SYTL2: variants seen among roughly 807,000 people sequenced by gnomAD.
SYTL2 encodes synaptotagmin like 2, also known as synaptotagmin-like protein 2.
A neutral mutation model predicts 198.7 loss-of-function variants in SYTL2; 165 were observed. The ratio of observed to expected loss-of-function variants is 0.83; its 90% CI spans 0.73 to 0.94. SYTL2 has a LOEUF of 0.94. Among genes scored for constraint, SYTL2 ranks in the 40% least tolerant of loss-of-function variants. The pLI is 0.00. For synonymous variants in SYTL2, 966 were observed against 917.7 expected (o/e 1.05, Z -0.95); for missense variants, 2,835 against 2,582.8 (o/e 1.10, Z -2.12).
At chr11:85,820,477 T>C in the SYTL2 span, among the ~76,000 whole-genome samples, 1 of 152,126 alleles carries the variant, frequency 6.6e-6, no homozygotes, top group African/African-American at 2.4e-5. Flanking sequence ...TTCCACCCCA[T>C]AGAAGCAGCA....
chr11:85,780,716 A>C (rs2092545294), intron 1 of SYTL2, among the ~76,000 whole-genome samples: 1 of 152,234 alleles, frequency 6.6e-6, no homozygotes, highest in Non-Finnish European at 1.5e-5. Context: ...AAATACAAGT[A>C]AAGTTTTTCT....
chr11:85,810,153 T>C (rs1316001863), intron 1 of SYTL2, among the ~76,000 whole-genome samples: 2 of 152,180 alleles, frequency 1.3e-5, no homozygotes, highest in Non-Finnish European at 2.9e-5. Context: ...GGGTGATTCA[T>C]AGCCTGTTCT....
intron 1 of SYTL2, among the ~76,000 whole-genome samples, chr11:85,776,609 A>G (rs534580124): frequency 4.0e-4 from 61 of 152,328 alleles, no homozygotes; most frequent in Non-Finnish European, 6.5e-4. Flanking sequence ...CATAGTATCC[A>G]TGCTGTATAT....
In SYTL2 at chr11:85,757,909, C is replaced by A. The variant is rs181979455; in HGVS notation, c.-184G>T. 78 of 711,230 alleles carry A rather than the reference C, an allele frequency of 1.1e-4. No homozygotes were observed. In the African/African-American group the frequency reaches 1.4e-3, roughly 12 times the overall value. The allele number at this position is 711,230 out of a possible 1,614,324, so 44.1% of individuals were successfully genotyped here. ...GCAGCTGATAGCAAGATCCTAAGTG[C>A]TCTTTCCCATGAGGAAGTCCTGGTC... On this transcript the variant is annotated 5_prime_UTR_variant, in exon 2 of 20. Transcript: ENST00000359152.
At chr11:85,843,951 C>T in the SYTL2 span, among the ~76,000 whole-genome samples, 1 of 152,188 alleles carries the variant, frequency 6.6e-6, no homozygotes, top group Non-Finnish European at 1.5e-5. Flanking sequence ...TAAGCATCAA[C>T]AAAGTGTGGT....
chr11:85,794,535 G>T (rs2092775657), intron 1 of SYTL2, among the ~76,000 whole-genome samples: 1 of 152,050 alleles, frequency 6.6e-6, no homozygotes, highest in African/African-American at 2.4e-5. Flanking sequence ...CTTTCTCAAG[G>T]TCACAAAAGA....
intron 4 of SYTL2, among the ~76,000 whole-genome samples, chr11:85,740,404 G>A (rs1312274860): frequency 6.6e-6 from 1 of 152,128 alleles, no homozygotes; most frequent in Non-Finnish European, 1.5e-5. Context: ...CTGGCTAGGA[G>A]TATGTCTCTC....
At chr11:85,740,000 G>T (rs2090662235) in intron 4 of SYTL2, among the ~76,000 whole-genome samples, 1 of 152,032 alleles carries the variant, frequency 6.6e-6, no homozygotes, top group African/African-American at 2.4e-5. Flanking sequence ...CTCACATTTG[G>T]CTTCCTGACT....
At chr11:85,819,956 C>G in the SYTL2 span, among the ~76,000 whole-genome samples, 2 of 152,252 alleles carry the variant, frequency 1.3e-5, no homozygotes, top group African/African-American at 4.8e-5. Context: ...TCCAGCATCA[C>G]TGTCTCTGCA....
intron 1 of SYTL2, among the ~76,000 whole-genome samples, chr11:85,803,014 C>T (rs1415531887): frequency 1.3e-5 from 2 of 152,220 alleles, no homozygotes; most frequent in Non-Finnish European, 2.9e-5. Context: ...CCTCTCCCAT[C>T]ACCTTGTTGG....
At position 85,791,343 on chromosome 11, in the gene SYTL2, A is replaced by G. The variant is rs1257283623; in HGVS notation, c.-390+19611T>C. Reference sequence around the variant, plus strand: ...TCAGCTTTGCTGGGTACAGCACCTTAGCAACTAGCCACAATCTTTGCAATG... The same window carrying G: ...TCAGCTTTGCTGGGTACAGCACCTTGGCAACTAGCCACAATCTTTGCAATG... On this transcript the variant is annotated intron_variant, in intron 1 of 19. Coordinates refer to ENST00000359152, the MANE Select transcript of SYTL2 (RefSeq NM_206927.4). Among the ~76,000 whole-genome samples the G allele has an allele frequency of 3.3e-5, 5 of 152,162 alleles. No homozygotes were observed. In the South Asian group the frequency reaches 1.0e-3, roughly 32 times the overall value.
chr11:85,713,034 G>A (rs561892463), intron 12 of SYTL2, among the ~76,000 whole-genome samples: 78 of 152,192 alleles, frequency 5.1e-4, no homozygotes, highest in South Asian at 4.1e-3. Flanking sequence ...TTATTATATG[G>A]TTGAACTGCA....
At chr11:85,734,785 AAT>A (rs1236992367) in intron 6 of SYTL2, 43 bp from the exon 7 acceptor site, 1 of 1,374,368 alleles carries the variant, frequency 7.3e-7, no homozygotes, top group Non-Finnish European at 1.0e-6. Flanking sequence ...TATAGAGAGT[AAT>A]ATATAATTTA....
chr11:85,808,512 G>C lies in SYTL2; in HGVS notation c.-390+2442C>G, dbSNP rs930804722. Among the ~76,000 whole-genome samples the C allele has an allele frequency of 2.0e-5, 3 of 151,990 alleles. No homozygotes were observed. In the East Asian group the frequency reaches 5.8e-4, roughly 29 times the overall value. ...GGAAAAAAGTGGATGTCTCCCCAGGGACTAGAGAAGCTCTATTACTGTGAA... is the reference window on the plus strand; with the variant it reads ...GGAAAAAAGTGGATGTCTCCCCAGGCACTAGAGAAGCTCTATTACTGTGAA... On this transcript the variant is annotated intron_variant, in intron 1 of 19. Transcript: ENST00000359152.
intron 17 of SYTL2, among the ~76,000 whole-genome samples, 169 bp from the exon 18 acceptor site, chr11:85,698,247 G>T (rs1294580569): frequency 6.6e-6 from 1 of 152,076 alleles, no homozygotes; most frequent in Non-Finnish European, 1.5e-5. Flanking sequence ...TTCATAATCT[G>T]GTTTTACTGA....
chr11:85,818,701 T>TACCTACCTATC, the SYTL2 span, among the ~76,000 whole-genome samples: 1 of 112,626 alleles, frequency 8.9e-6, no homozygotes, highest in African/African-American at 3.5e-5. Context: ...ACCTATCTAT[T>TACCTACCTATC]TATTTATTTA....
intron 1 of SYTL2, among the ~76,000 whole-genome samples, chr11:85,799,335 G>T (rs549753222): frequency 6.6e-6 from 1 of 152,242 alleles, no homozygotes; most frequent in South Asian, 2.1e-4. Context: ...TGTGATGATG[G>T]CCATAAAAGA....
Position 85,734,626 on chromosome 11 carries a change from T to C in SYTL2, c.703A>G (p.Ile235Val), listed in dbSNP as rs3910283. ...LSNGSQIKAP[I>V]PKARKMIYKS... ...TAGATCATCTTCCTGGCTTTGGGGA[T>C]TGGAGCCTTGATTTGGGACCCATTT... The change falls in exon 7 of 20, where the codon ATC (isoleucine) becomes GTC (valine). Residue 235 changes from isoleucine (I) to valine (V), a missense_variant. Transcript: ENST00000359152. 1 of 1,614,058 alleles carries C rather than the reference T, an allele frequency of 6.2e-7. No homozygotes were observed. Among genetic ancestry groups the C allele is most frequent in the African/African-American group, 1.3e-5 (1 of 74,928 alleles).
intron 11 of SYTL2, 68 bp downstream of exon 11, chr11:85,717,415 T>C: frequency 7.5e-7 from 1 of 1,329,580 alleles, no homozygotes; most frequent in South Asian, 1.2e-5. Flanking sequence ...ATGGGGTTAG[T>C]TATTTCAGTA....
Sources: allele counts gnomAD v4.1 joint callset (sites outside exome capture counted in the v4.1 genomes callset), GRCh38; gene constraint gnomAD v4.1.1; transcripts MANE v1.5; gene names NCBI Gene and HGNC (gene_info 2026-07-23, HGNC 2026-07-21).